The following SLA2 variants were observed in gnomAD, a reference collection of about 807,000 sequenced individuals.
SLA2 encodes src-like-adapter 2.
A neutral mutation model predicts 27.3 loss-of-function variants in SLA2; 22 were observed. That is an observed-to-expected ratio of 0.81 (90% CI 0.58 to 1.15). The LOEUF is 1.15. SLA2 is among the 50% of genes most tolerant of loss of function. SLA2 has a pLI of 0.00. For synonymous variants in SLA2, 131 were observed against 137.8 expected (o/e 0.95, Z 0.34); for missense variants, 304 against 322.2 (o/e 0.94, Z 0.43).
chr20:36,634,919 C>A (rs1038048249), intron 2 of SLA2, among the ~76,000 whole-genome samples: 1 of 152,192 alleles, frequency 6.6e-6, no homozygotes, highest in Admixed American at 6.5e-5. Context: ...CAGCCTTGAC[C>A]TCCCGGGCTC....
At chr20:36,635,222 T>C (rs1254901038) in intron 2 of SLA2, among the ~76,000 whole-genome samples, 1 of 151,730 alleles carries the variant, frequency 6.6e-6, no homozygotes, top group Non-Finnish European at 1.5e-5. Context: ...AAATCCAGGT[T>C]TCAGCAGCTG....
In SLA2 at chr20:36,645,826, A is replaced by G. The variant is rs1300795526; in HGVS notation, c.-44+11T>C. ...TCCAGGCCATCCAAGAACAAAAGCA[A>G]GCATACTTACTGGTTTGTCATCAAA... On this transcript the variant is annotated intron_variant, in intron 1 of 7. Transcript: ENST00000262866. The G allele has an allele frequency of 6.6e-6, 1 of 152,320 alleles. No individual in the cohort carries two copies. 9.4% of individuals were successfully genotyped at this position (152,320 alleles called of 1,614,324 possible). A position where few individuals can be genotyped will look rare whatever the true frequency, so the allele number is the denominator to read the frequency against.
Position 36,643,183 on chromosome 20 carries a change from A to G in SLA2, c.-43-1805T>C, listed in dbSNP as rs143433924. 5.3e-3 allele frequency among the ~76,000 whole-genome samples: 804 copies of G among 152,366 alleles called. 7 individuals carry two copies. The highest frequency in any genetic ancestry group is 0.018 in the African/African-American group (767 of 41,594). On this transcript the variant is annotated intron_variant, in intron 1 of 7. Transcript: ENST00000262866. Reference sequence around the variant, plus strand: ...AACTAAATGAGACTGTTAGCTCTTCAGACAGGTAGGTGTCTTATCGTTAGA... The same window carrying G: ...AACTAAATGAGACTGTTAGCTCTTCGGACAGGTAGGTGTCTTATCGTTAGA...
intron 4 of SLA2, 76 bp from the exon 5 acceptor site, chr20:36,632,774 G>T (rs375379044): frequency 2.6e-6 from 3 of 1,152,796 alleles, no homozygotes; most frequent in Non-Finnish European, 2.5e-6. Flanking sequence ...TACCACCACC[G>T]CTGAGTGACC....
rs1426855924 is a variant in SLA2 at position 36,612,378 on chromosome 20, T to C, written c.*1488A>G. ...CTCTGGATTCAGATGAAACATTAAA[T>C]TGTCTTCCTCGATTCTCCATCGGGT... is the stretch of plus-strand genomic sequence containing the variant. On this transcript the variant is annotated 3_prime_UTR_variant, in exon 8 of 8. Transcript: ENST00000262866. 1.4e-6 allele frequency: 1 copy of C among 710,432 alleles called. No homozygotes were observed. Among genetic ancestry groups the C allele is most frequent in the Non-Finnish European group, 2.4e-6 (1 of 415,806 alleles). 44.0% of individuals were successfully genotyped at this position (710,432 alleles called of 1,614,324 possible). A position where few individuals can be genotyped will look rare whatever the true frequency, so the allele number is the denominator to read the frequency against.
chr20:36,615,339 C>G lies in SLA2; in HGVS notation c.418G>C (p.Ala140Pro). 6.2e-7 allele frequency: 1 copy of G among 1,614,070 alleles called. No individual in the cohort carries two copies. Among genetic ancestry groups the G allele is most frequent in the East Asian group, 2.2e-5 (1 of 44,882 alleles). The change falls in exon 6 of 8, where the codon GCA (alanine) becomes CCA (proline). Residue 140 changes from alanine to proline, a missense_variant. Coordinates refer to ENST00000262866, the MANE Select transcript of SLA2 (RefSeq NM_032214.4). ...TAGTGTCTGATCCGGTCCCAGGATG[C>G]AGGGCGGCTGAGGCGGACTGACAGA... ...YSLSVRLSRP[A>P]SWDRIRHYRI...
rs2039166765 is a variant in SLA2, at chr20:36,613,531, G to C, written c.*335C>G. The C allele has an allele frequency of 5.0e-6, 1 of 200,040 alleles. No individual in the cohort carries two copies. The highest frequency in any genetic ancestry group is 1.0e-5 in the Non-Finnish European group (1 of 99,118). The allele number at this position is 200,040 out of a possible 1,614,324, so 12.4% of individuals were successfully genotyped here. ...GGGGATGTAGAATGGGGCTCAACAG[G>C]CAGGGCATCCAGATGGTACTGGAAA... On this transcript the variant is annotated 3_prime_UTR_variant, in exon 8 of 8. Coordinates refer to ENST00000262866, the MANE Select transcript of SLA2 (RefSeq NM_032214.4).
At chr20:36,617,534 A>G (rs1403737032) in intron 5 of SLA2, among the ~76,000 whole-genome samples, 1 of 124,732 alleles carries the variant, frequency 8.0e-6, no homozygotes, top group Non-Finnish European at 1.6e-5. Flanking sequence ...ACCCTGTCTC[A>G]AAAAAAAAAA....
chr20:36,643,040 TGA>T (rs1186821402), intron 1 of SLA2, among the ~76,000 whole-genome samples: 1 of 152,186 alleles, frequency 6.6e-6, no homozygotes, highest in African/African-American at 2.4e-5. Context: ...ATCATTCATT[TGA>T]GAGTTTACTT....
chr20:36,615,628 C>G (rs898077365), intron 5 of SLA2, among the ~76,000 whole-genome samples: 9 of 152,182 alleles, frequency 5.9e-5, no homozygotes, highest in African/African-American at 9.7e-5. Context: ...AGTGAACATT[C>G]AGCGTTGGCT....
At position 36,613,835 on chromosome 20, in the gene SLA2, C is replaced by T. The variant is rs759583123; in HGVS notation, c.*31G>A. The T allele has an allele frequency of 6.2e-7, 1 of 1,604,648 alleles. No individual in the cohort carries two copies. ...TGAATTGGGGTTCTAGGTGTGCAGC[C>T]TTGGTTTCCCTTTTGGCCTCTCCTT... On this transcript the variant is annotated 3_prime_UTR_variant, in exon 8 of 8. Coordinates refer to ENST00000262866, the MANE Select transcript of SLA2 (RefSeq NM_032214.4).
chr20:36,614,029 C>T (rs778736117), intron 7 of SLA2, 43 bp from the exon 8 acceptor site: 3 of 1,606,988 alleles, frequency 1.9e-6, no homozygotes, highest in African/African-American at 1.3e-5. Context: ...GCCTCTTCCT[C>T]CTCCCTGTAC....
chr20:36,645,613 G>GC (rs997251332), intron 1 of SLA2, among the ~76,000 whole-genome samples: 1 of 152,218 alleles, frequency 6.6e-6, no homozygotes, highest in Non-Finnish European at 1.5e-5. Context: ...GCACGGAAGA[G>GC]CGTAAGCTCC....
At chr20:36,625,824 CAAA>C (rs935601715) in intron 5 of SLA2, among the ~76,000 whole-genome samples, 1 of 50,132 alleles carries the variant, frequency 2.0e-5, no homozygotes. Context: ...GAGATCCTGT[CAAA>C]AAAAAAAAAA....
intron 2 of SLA2, among the ~76,000 whole-genome samples, chr20:36,635,693 T>C (rs2039437941): frequency 6.6e-6 from 1 of 151,950 alleles, no homozygotes; most frequent in Non-Finnish European, 1.5e-5. Context: ...GAGAAATGTC[T>C]GATGCTTGGA....
chr20:36,627,330 G>T (rs1382750380), intron 5 of SLA2, among the ~76,000 whole-genome samples: 1 of 152,170 alleles, frequency 6.6e-6, no homozygotes, highest in Non-Finnish European at 1.5e-5. Flanking sequence ...ATGATGCTGG[G>T]AGTGAGGGAT....
At chr20:36,634,348 A>T in intron 3 of SLA2, 142 bp downstream of exon 3, 1 of 600,764 alleles carries the variant, frequency 1.7e-6, no homozygotes, top group Non-Finnish European at 3.0e-6. Flanking sequence ...CACTGGCTTG[A>T]TCATAGCTCA....
intron 2 of SLA2, among the ~76,000 whole-genome samples, chr20:36,636,274 AGCCGGGC>A (rs1221857806): frequency 0.016 from 2,447 of 148,468 alleles, 89 homozygotes; most frequent in African/African-American, 0.057. Flanking sequence ...AAAAAAAATT[AGCCGGGC>A]GCGGTGGCGG....
chr20:36,635,344 G>C (rs953859986), intron 2 of SLA2, among the ~76,000 whole-genome samples: 1 of 150,398 alleles, frequency 6.6e-6, no homozygotes, highest in African/African-American at 2.5e-5. Flanking sequence ...GCCAGGGTCA[G>C]CAAGAAGGGT....
Sources: allele counts gnomAD v4.1 joint callset (sites outside exome capture counted in the v4.1 genomes callset), GRCh38; gene constraint gnomAD v4.1.1; transcripts MANE v1.5; gene names NCBI Gene and HGNC (gene_info 2026-07-23, HGNC 2026-07-21).